Variants in VPS11 observed in about 807,000 individuals in gnomAD.
The protein encoded by VPS11 is VPS11 core subunit of CORVET and HOPS complexes.
A neutral mutation model predicts 106.8 loss-of-function variants in VPS11; 51 were observed. The observed-to-expected ratio is 0.48, with a 90% confidence interval of 0.38 to 0.60. The LOEUF is 0.60. Among genes scored for constraint, VPS11 ranks in the 20% least tolerant of loss-of-function variants. VPS11 has a pLI of 0.00. For synonymous variants in VPS11, 453 were observed against 458.7 expected, an observed-to-expected ratio of 0.99 and a Z score of 0.16; for missense variants, 950 against 1,190.0, an observed-to-expected ratio of 0.80 and a Z score of 2.97.
At chr11:119,068,777 C>G (rs10892327) in intron 1 of VPS11, among the ~76,000 whole-genome samples, 62,527 of 148,052 alleles carry the variant, frequency 0.42, 13,482 homozygotes, top group African/African-American at 0.53. Context: ...TTGAGACGGA[C>G]TTTCACTCTT....
intron 3 of VPS11, among the ~76,000 whole-genome samples, 164 bp from the exon 4 acceptor site, chr11:119,070,070 C>A (rs564148119): frequency 6.3e-4 from 95 of 149,662 alleles, no homozygotes; most frequent in African/African-American, 2.1e-3. Flanking sequence ...TAATTTTGTT[C>A]TTTGAAAATG....
At chr11:119,078,098 TG>T (rs1945701465) in intron 10 of VPS11, 32 bp downstream of exon 10, 1 of 1,609,148 alleles carries the variant, frequency 6.2e-7, no homozygotes, top group Non-Finnish European at 8.5e-7. Context: ...CTTCAGACTG[TG>T]GGGATCACCT....
At chr11:119,079,531 C>T (rs1945770841) in intron 14 of VPS11, among the ~76,000 whole-genome samples, 2 of 152,094 alleles carry the variant, frequency 1.3e-5, no homozygotes, top group Non-Finnish European at 1.5e-5. Flanking sequence ...TCTTTATATG[C>T]CTGTATTCTA....
chr11:119,074,091 TAG>T, intron 7 of VPS11, 140 bp downstream of exon 7: 1 of 1,149,338 alleles, frequency 8.7e-7, no homozygotes, highest in Non-Finnish European at 1.2e-6. Flanking sequence ...TTGTTTTTGT[TAG>T]TTTTTTTTTG....
At position 119,081,848 on chromosome 11, in the gene VPS11, G is replaced by T; in HGVS notation, c.*225G>T. The T allele has an allele frequency of 1.7e-6, 1 of 583,810 alleles. No individual in the cohort carries two copies. The highest frequency in any genetic ancestry group is 2.9e-6 in the Non-Finnish European group (1 of 347,172). 36.2% of individuals were successfully genotyped at this position (583,810 alleles called of 1,614,324 possible). A position where few individuals can be genotyped will look rare whatever the true frequency, so the allele number is the denominator to read the frequency against. ...AGTGTAGATCATTCCAGATCAGTGG[G>T]GGAGGGCACCTCAGCAACCTCTGAG... On this transcript the variant is annotated 3_prime_UTR_variant, in exon 16 of 16. Coordinates refer to ENST00000621676, the MANE Select transcript of VPS11 (RefSeq NM_021729.6).
At chr11:119,079,591 T>TC (rs1945772498) in intron 14 of VPS11, among the ~76,000 whole-genome samples, 1 of 152,212 alleles carries the variant, frequency 6.6e-6, no homozygotes, top group Non-Finnish European at 1.5e-5. Context: ...CTGGTGTTTT[T>TC]CTTTTTTGAG....
rs574913194 is a variant in VPS11 at position 119,073,527 on chromosome 11, G to A, written c.1086+128G>A. 29 of 1,226,430 alleles carry A rather than the reference G, an allele frequency of 2.4e-5. 1 individual carries two copies. The highest frequency in any genetic ancestry group is 3.2e-5 in the Non-Finnish European group (29 of 898,150). 76.0% of individuals were successfully genotyped at this position (1,226,430 alleles called of 1,614,324 possible). A position where few individuals can be genotyped will look rare whatever the true frequency, so the allele number is the denominator to read the frequency against. On this transcript the variant is annotated intron_variant, in intron 6 of 15. Transcript: ENST00000621676. ...TCACAGCCTTACTCAGCTTCCTTAG[G>A]GTAGGATTATAAGGTAAATGGCCTG... is the stretch of plus-strand genomic sequence containing the variant.
rs1945867906 is a variant in VPS11, at chr11:119,081,955, G to T, written c.*332G>T. The T allele has an allele frequency of 8.6e-6, 2 of 231,826 alleles. No individual in the cohort carries two copies. Among genetic ancestry groups the T allele is most frequent in the South Asian group, 2.5e-4 (2 of 7,948 alleles). The allele number at this position is 231,826 out of a possible 1,614,324, so 14.4% of individuals were successfully genotyped here. A position where few individuals can be genotyped will look rare whatever the true frequency, so the allele number is the denominator to read the frequency against. On this transcript the variant is annotated 3_prime_UTR_variant, in exon 16 of 16. Coordinates refer to ENST00000621676, the MANE Select transcript of VPS11 (RefSeq NM_021729.6). ...TTGCTCTCAGAGTCTATAAATAAAA[G>T]AATATAATGATTTGGGAGCTTAAGG... is the stretch of plus-strand genomic sequence containing the variant.
chr11:119,078,109 T>C, intron 10 of VPS11, 43 bp downstream of exon 10: 1 of 1,609,370 alleles, frequency 6.2e-7, no homozygotes. Context: ...GGGGATCACC[T>C]TAAGGGCTTC....
At chr11:119,069,128 G>T in intron 1 of VPS11, 68 bp from the exon 2 acceptor site, 1 of 1,586,690 alleles carries the variant, frequency 6.3e-7, no homozygotes. Flanking sequence ...ACATGTAATT[G>T]TTATCTGAGT....
At chr11:119,071,520 A>C in intron 4 of VPS11, 76 bp from the exon 5 acceptor site, 1 of 1,551,476 alleles carries the variant, frequency 6.4e-7, no homozygotes, top group Non-Finnish European at 8.7e-7. Context: ...GCCAGTATGG[A>C]GATGGGAATA....
At chr11:119,071,953 G>A (rs561226155) in intron 5 of VPS11, 110 bp downstream of exon 5, 53 of 1,401,570 alleles carry the variant, frequency 3.8e-5, no homozygotes, top group Admixed American at 8.8e-5. Flanking sequence ...CTCCTACTCC[G>A]GTGTTATGTA....
At chr11:119,073,533 AT>A in intron 6 of VPS11, 134 bp downstream of exon 6, 1 of 1,180,046 alleles carries the variant, frequency 8.5e-7, no homozygotes, top group Non-Finnish European at 1.2e-6. Context: ...TTAGGGTAGG[AT>A]TATAAGGTAA....
chr11:119,068,646 C>G (rs942928888), intron 1 of VPS11, among the ~76,000 whole-genome samples: 10 of 151,962 alleles, frequency 6.6e-5, no homozygotes, highest in African/African-American at 1.9e-4. Context: ...CGGGGTTTCA[C>G]CATATTGGCC....
In VPS11 at chr11:119,078,252, T is replaced by C; in HGVS notation, c.1841T>C (p.Val614Ala). The stretch of plus-strand genomic sequence containing the variant: ...GCCTTCCTAGAGCACATGAGTGAAG[T>C]GCAGCCAGACTCACCCCAGGGGATC... ...LKAFLEHMSE[V>A]QPDSPQGIYD... The change falls in exon 11 of 16, where the codon GTG becomes GCG. Residue 614 changes from valine (V) to alanine (A), a missense_variant. Transcript: ENST00000621676. The C allele has an allele frequency of 6.2e-7, 1 of 1,613,722 alleles. No homozygotes were observed. The highest frequency in any genetic ancestry group is 8.5e-7 in the Non-Finnish European group (1 of 1,179,880).
intron 5 of VPS11, 189 bp downstream of exon 5, chr11:119,072,032 T>C (rs1314583238): frequency 1.0e-5 from 7 of 694,544 alleles, no homozygotes; most frequent in Admixed American, 3.1e-5. Flanking sequence ...AGTGGCGTGA[T>C]CTCGGCTCAC....
Position 119,079,112 on chromosome 11 carries a change from T to C in VPS11, c.2267-17T>C, listed in dbSNP as rs1468479687. The stretch of plus-strand genomic sequence containing the variant: ...ACGTGGTTGATTGTCTTGTTTCCTC[T>C]TGGACCCCAATCTCAGTGGTGCAGA... On this transcript the variant is annotated splice_polypyrimidine_tract_variant and intron_variant, in intron 13 of 15. Transcript: ENST00000621676. 1.2e-6 allele frequency: 2 copies of C among 1,612,924 alleles called. No homozygotes were observed. The highest frequency in any genetic ancestry group is 2.2e-5 in the South Asian group (2 of 91,058).
chr11:119,075,542 T>TAAA (rs1555202802), intron 7 of VPS11, among the ~76,000 whole-genome samples: 3 of 111,632 alleles, frequency 2.7e-5, no homozygotes, highest in African/African-American at 3.7e-5. Context: ...CTGTCTCCAC[T>TAAA]AAAAAAAAAA....
rs782351279 is a variant in VPS11, at chr11:119,078,678, C to G, written c.2037C>G (p.Val679=). 1 of 1,612,566 alleles carries G rather than the reference C, an allele frequency of 6.2e-7. No individual in the cohort carries two copies. The highest frequency in any genetic ancestry group is 8.5e-7 in the Non-Finnish European group (1 of 1,179,016). ...LCQMHDFQDG[V]LYLYEQGKLF... is the part of the protein sequence containing the mutation. ...AGATGCACGACTTCCAGGATGGTGT[C>G]CTTTACCTTTATGAGCAGGGGAAGC... Residue 679 remains valine (V), a synonymous_variant, in exon 12 of 16, where the codon GTC becomes GTG. Transcript: ENST00000621676.
Sources: gnomAD v4.1 joint callset for allele counts (sites outside exome capture counted in the v4.1 genomes callset) on GRCh38, gnomAD v4.1.1 for gene constraint, MANE v1.5 for transcripts, NCBI Gene and HGNC (gene_info 2026-07-23, HGNC 2026-07-21) for gene names.